Variants in SDC3 observed in about 807,000 individuals in gnomAD.
SDC3 encodes the protein syndecan-3.
In SDC3, 13 loss-of-function variants were observed where a neutral mutation model predicts 24.4. The ratio of observed to expected loss-of-function variants is 0.53; its 90% confidence interval spans 0.35 to 0.85. The LOEUF (loss-of-function observed/expected upper bound fraction) is 0.85, where lower values mean the gene tolerates loss of function less well. SDC3 is among the 40% of genes least tolerant of loss of function. The pLI is 0.01. For missense variants in SDC3, 571 were observed against 584.5 expected (o/e 0.98, Z 0.24); for synonymous variants, 295 against 260.9 (o/e 1.13, Z -1.26).
intron 1 of SDC3, among the ~76,000 whole-genome samples, chr1:30,900,600 C>A (rs1330109704): frequency 6.6e-6 from 1 of 152,140 alleles, no homozygotes; most frequent in African/African-American, 2.4e-5. Flanking sequence ...CCCCAGCTCT[C>A]CAGGAGCCTT....
rs773311683 is a variant in SDC3, at chr1:30,873,382, G to T, written c.1163-5C>A. ...CCACCCCGCCCACAATCACAGCTGT[G>T]GAAGAAGAGGGCACAGGTCAAGGCC... On this transcript the variant is annotated splice_region_variant and splice_polypyrimidine_tract_variant and intron_variant, in intron 4 of 4. Coordinates refer to ENST00000339394, the MANE Select transcript of SDC3 (RefSeq NM_014654.4). 38 of 1,612,512 alleles carry T rather than the reference G, an allele frequency of 2.4e-5. No individual in the cohort carries two copies. Among genetic ancestry groups the T allele is most frequent in the Non-Finnish European group, 3.1e-5 (36 of 1,178,874 alleles).
chr1:30,889,422 T>A (rs931478905), intron 1 of SDC3, among the ~76,000 whole-genome samples: 1 of 152,112 alleles, frequency 6.6e-6, no homozygotes, highest in African/African-American at 2.4e-5. Context: ...AATTCCATCC[T>A]CTTTTCCTCC....
rs1639695197 is a variant in SDC3 at position 30,878,958 on chromosome 1, G to A, written c.139-218C>T. Reference sequence around the variant, plus strand: ...GGTCCCATCCCAGAAGGCTTTCAGTGTCTGGCTGATGACTTTCTCTTAGAA... The same window carrying A: ...GGTCCCATCCCAGAAGGCTTTCAGTATCTGGCTGATGACTTTCTCTTAGAA... On this transcript the variant is annotated intron_variant, in intron 1 of 4. Transcript: ENST00000339394. 7 of 535,638 alleles carry A rather than the reference G, an allele frequency of 1.3e-5. No individual in the cohort carries two copies. The Admixed American group carries it at 2.2e-4, about 17-fold the overall frequency. 33.2% of individuals were successfully genotyped at this position (535,638 alleles called of 1,614,324 possible). A position where few individuals can be genotyped will look rare whatever the true frequency, so the allele number is the denominator to read the frequency against.
chr1:30,876,022 G>A (rs140583862), intron 3 of SDC3, among the ~76,000 whole-genome samples: 64 of 152,298 alleles, frequency 4.2e-4, no homozygotes, highest in African/African-American at 1.5e-3. Flanking sequence ...AATAACAACC[G>A]TGATGACGAC....
rs1340569824 is a variant in SDC3, at chr1:30,873,292, C to T, written c.1248G>A (p.Glu416=). The T allele has an allele frequency of 3.1e-6, 5 of 1,612,870 alleles. No homozygotes were observed. The African/African-American group carries it at 4.0e-5, about 13-fold the overall frequency. The part of the protein sequence containing the change: ...LLIYRMKKKD[E]GSYTLEEPKQ... ...TGGGTTCCTCCAGCGTGTAGCTGCC[C>T]TCATCCTTTTTCTTCATACGATAGA... The change falls in exon 5 of 5, where the codon GAG becomes GAA. Residue 416 remains glutamate (E), a synonymous_variant. Transcript: ENST00000339394.
At chr1:30,878,800 C>G in intron 1 of SDC3, 60 bp from the exon 2 acceptor site, 1 of 1,422,368 alleles carries the variant, frequency 7.0e-7, no homozygotes, top group African/African-American at 1.4e-5. Context: ...CTGGGTGAGC[C>G]CAGAAGGGCG....
Position 30,876,793 on chromosome 1 carries a change from C to T in SDC3, c.629G>A (p.Arg210Lys). Residue 210 changes from arginine (R) to lysine (K), a missense_variant, in exon 3 of 5, where the codon AGG (arginine) becomes AAG (lysine). Arg to Lys is a conservative substitution (Grantham distance 26). This residue lies in a region of SDC3 where 497 missense variants were observed against 471.6 expected (regional missense o/e 1.05). Coordinates refer to ENST00000339394, the MANE Select transcript of SDC3 (RefSeq NM_014654.4). ...TAVIRTTGVR[R>K]LLPLPLTTVA... is the part of the protein sequence containing the mutation. ...TGTGGTCAGTGGGAGAGGCAGAAGC[C>T]TCCGTACGCCAGTGGTCCTTATAAC... is the stretch of plus-strand genomic sequence containing the variant. 1 of 1,597,500 alleles carries T rather than the reference C, an allele frequency of 6.3e-7. No homozygotes were observed. Among genetic ancestry groups the T allele is most frequent in the East Asian group, 2.2e-5 (1 of 44,646 alleles).
intron 1 of SDC3, among the ~76,000 whole-genome samples, chr1:30,882,599 T>C (rs759028309): frequency 6.6e-6 from 1 of 152,058 alleles, no homozygotes; most frequent in East Asian, 1.9e-4. Flanking sequence ...AGGGTCCAAA[T>C]GAGCTGGATG....
intron 1 of SDC3, among the ~76,000 whole-genome samples, chr1:30,896,408 G>C (rs1639998875): frequency 6.6e-6 from 1 of 152,090 alleles, no homozygotes; most frequent in South Asian, 2.1e-4. Context: ...AATCCTAACA[G>C]GTAGAAGAGG....
intron 1 of SDC3, among the ~76,000 whole-genome samples, chr1:30,881,600 G>T (rs1026392260): frequency 6.6e-6 from 1 of 152,200 alleles, no homozygotes; most frequent in East Asian, 1.9e-4. Flanking sequence ...CAGAGGCTCC[G>T]CAAGCGGCCC....
At chr1:30,904,935 C>T (rs1302270091) in intron 1 of SDC3, among the ~76,000 whole-genome samples, 2 of 152,168 alleles carry the variant, frequency 1.3e-5, no homozygotes, top group Non-Finnish European at 2.9e-5. Flanking sequence ...TTACTGTCCG[C>T]ATTTTATAGA....
At chr1:30,892,120 C>G (rs955206082) in intron 1 of SDC3, among the ~76,000 whole-genome samples, 1 of 152,076 alleles carries the variant, frequency 6.6e-6, no homozygotes, top group African/African-American at 2.4e-5. Context: ...TCCTCTCCCC[C>G]ACTGAGCTCA....
chr1:30,897,234 C>T lies in SDC3; in HGVS notation c.138+11215G>A, dbSNP rs548494419. Among the ~76,000 whole-genome samples, 119 of 152,280 alleles carry T rather than the reference C, an allele frequency of 7.8e-4. 1 individual carries two copies. The highest frequency in any genetic ancestry group is 2.8e-3 in the African/African-American group (116 of 41,556). ...GAGCTCTTAGTCCCAGCTCAGCCATCAACTTGTTGTGTACTTTGGACAAAT... is the reference window on the plus strand; with the variant it reads ...GAGCTCTTAGTCCCAGCTCAGCCATTAACTTGTTGTGTACTTTGGACAAAT... On this transcript the variant is annotated intron_variant, in intron 1 of 4. Coordinates refer to ENST00000339394, the MANE Select transcript of SDC3 (RefSeq NM_014654.4).
intron 1 of SDC3, among the ~76,000 whole-genome samples, chr1:30,895,048 G>C (rs1052434162): frequency 1.3e-5 from 2 of 152,082 alleles, no homozygotes; most frequent in African/African-American, 2.4e-5. Context: ...CCAAGGTAGA[G>C]AGCATCTCCC....
intron 4 of SDC3, 35 bp downstream of exon 4, chr1:30,874,261 TC>T: frequency 6.5e-7 from 1 of 1,545,782 alleles, no homozygotes; most frequent in Non-Finnish European, 8.8e-7. Flanking sequence ...TCTGGTATCC[TC>T]CCAGGCTCCC....
At chr1:30,886,094 C>A (rs1570008485) in intron 1 of SDC3, among the ~76,000 whole-genome samples, 1 of 152,192 alleles carries the variant, frequency 6.6e-6, no homozygotes, top group Middle Eastern at 3.4e-3. Context: ...GCAGCACCCC[C>A]CACACCCCAC....
At chr1:30,892,570 G>A (rs1639923270) in intron 1 of SDC3, among the ~76,000 whole-genome samples, 1 of 152,202 alleles carries the variant, frequency 6.6e-6, no homozygotes. Flanking sequence ...TGGACTTCAG[G>A]CAAGTGGCTG....
chr1:30,898,725 G>C (rs1228962324), intron 1 of SDC3, among the ~76,000 whole-genome samples: 2 of 152,148 alleles, frequency 1.3e-5, no homozygotes, highest in African/African-American at 4.8e-5. Flanking sequence ...CCAACTCTAG[G>C]TCAGGCCCTG....
At chr1:30,904,080 G>C (rs754569340) in intron 1 of SDC3, among the ~76,000 whole-genome samples, 28 of 151,960 alleles carry the variant, frequency 1.8e-4, no homozygotes, top group Admixed American at 4.6e-4. Context: ...CAAAAATTAG[G>C]CAGGTGTGGT....
Sources: gnomAD v4.1 joint callset for allele counts (sites outside exome capture counted in the v4.1 genomes callset) on GRCh38, gnomAD v4.1.1 for gene constraint, gnomAD v4.1.1 regional missense constraint, MANE v1.5 for transcripts, NCBI Gene and HGNC (gene_info 2026-07-23, HGNC 2026-07-21) for gene names.